The following SLC8A1 variants were observed in gnomAD, a reference collection of about 807,000 sequenced individuals.
SLC8A1 encodes the protein solute carrier family 8 member A1.
In SLC8A1, 18 loss-of-function variants were observed where a neutral mutation model predicts 68.3. The observed-to-expected ratio is 0.26, with a 90% CI of 0.18 to 0.39. The LOEUF (loss-of-function observed/expected upper bound fraction) is 0.39, where lower values mean the gene tolerates loss of function less well. Among genes scored for constraint, SLC8A1 ranks in the 10% least tolerant of loss-of-function variants. SLC8A1 has a pLI of 1.00. For missense variants in SLC8A1, 985 were observed against 1,156.7 expected (o/e 0.85, Z 2.15); for synonymous variants, 475 against 415.5 (o/e 1.14, Z -1.74).
intron 1 of SLC8A1, among the ~76,000 whole-genome samples, chr2:40,481,624 C>T (rs564219943): frequency 6.6e-6 from 1 of 152,170 alleles, no homozygotes. Flanking sequence ...TTATCATAAT[C>T]TCTACCACTA....
rs966264881 is a variant in SLC8A1, at chr2:40,213,826, T to A, written c.1809-35971A>T. Reference sequence around the variant, plus strand: ...GGCAGAAGCGCTGGGGATATTACACTGGGGATAATTCATCAAGCTTGCTTT... The same window carrying A: ...GGCAGAAGCGCTGGGGATATTACACAGGGGATAATTCATCAAGCTTGCTTT... On this transcript the variant is annotated intron_variant, in intron 2 of 7. Coordinates refer to ENST00000406785, the Ensembl canonical transcript of SLC8A1. Among the ~76,000 whole-genome samples the A allele has an allele frequency of 3.3e-5, 5 of 152,196 alleles. No individual in the cohort carries two copies. The East Asian group carries it at 9.6e-4, about 29-fold the overall frequency.
chr2:40,245,214 G>T (rs2061703405), intron 2 of SLC8A1, among the ~76,000 whole-genome samples: 1 of 114,094 alleles, frequency 8.8e-6, no homozygotes, highest in Non-Finnish European at 1.8e-5. Flanking sequence ...TTGGGATTCT[G>T]TGATTTGTGC....
intron 2 of SLC8A1, among the ~76,000 whole-genome samples, chr2:40,260,761 A>G (rs1183904253): frequency 1.3e-5 from 2 of 150,528 alleles, no homozygotes; most frequent in Admixed American, 6.6e-5. Flanking sequence ...TTTTTAATTT[A>G]GACTTCCTAC....
Position 40,402,375 on chromosome 2 carries a change from T to C in SLC8A1, c.1808+26098A>G, listed in dbSNP as rs1689011903. Among the ~76,000 whole-genome samples the C allele has an allele frequency of 2.0e-5, 3 of 152,216 alleles. No individual in the cohort carries two copies. The South Asian group carries it at 6.2e-4, about 32-fold the overall frequency. ...CTCAGGAATAATTCACCCCTTGGCATATGATTAAGAAGTAACTGTAAGTAT... is the reference window on the plus strand; with the variant it reads ...CTCAGGAATAATTCACCCCTTGGCACATGATTAAGAAGTAACTGTAAGTAT... On this transcript the variant is annotated intron_variant, in intron 2 of 7. Transcript: ENST00000406785.
chr2:40,332,376 T>G (rs2076501935), intron 2 of SLC8A1, among the ~76,000 whole-genome samples: 1 of 132,136 alleles, frequency 7.6e-6, no homozygotes, highest in Non-Finnish European at 1.6e-5. Context: ...ACTACATAAT[T>G]CAATTCAAAC....
intron 2 of SLC8A1, among the ~76,000 whole-genome samples, chr2:40,304,889 T>G (rs1489563444): frequency 6.6e-6 from 1 of 152,166 alleles, no homozygotes; most frequent in Non-Finnish European, 1.5e-5. Context: ...CAGGTGAACA[T>G]GGACTTCCGC....
At chr2:40,494,282 T>G (rs1705529012) in intron 1 of SLC8A1, among the ~76,000 whole-genome samples, 1 of 152,042 alleles carries the variant, frequency 6.6e-6, no homozygotes, top group African/African-American at 2.4e-5. Context: ...TCATTAAAAA[T>G]AAACTCTGGC....
intron 1 of SLC8A1, among the ~76,000 whole-genome samples, chr2:40,475,532 T>G (rs1306505819): frequency 6.6e-6 from 1 of 152,142 alleles, no homozygotes; most frequent in Admixed American, 6.5e-5. Flanking sequence ...TATTAAATAT[T>G]TAGTTTTTAA....
chr2:40,412,466 T>C (rs1692458238), intron 2 of SLC8A1, among the ~76,000 whole-genome samples: 1 of 152,178 alleles, frequency 6.6e-6, no homozygotes, highest in Non-Finnish European at 1.5e-5. Context: ...AGTTATAGCA[T>C]TCATTGCCAT....
At chr2:40,342,367 C>T (rs1307354931) in intron 2 of SLC8A1, among the ~76,000 whole-genome samples, 2 of 151,966 alleles carry the variant, frequency 1.3e-5, no homozygotes, top group Admixed American at 6.6e-5. Flanking sequence ...TTGATGTAGG[C>T]AAATCATATT....
At chr2:40,335,644 C>A (rs879562406) in intron 2 of SLC8A1, among the ~76,000 whole-genome samples, 14 of 152,192 alleles carry the variant, frequency 9.2e-5, no homozygotes, top group Non-Finnish European at 1.6e-4. Flanking sequence ...CCTAAAAGAA[C>A]AGAAATGGGT....
At chr2:40,381,394 A>G (rs1171312189) in intron 2 of SLC8A1, among the ~76,000 whole-genome samples, 1 of 152,050 alleles carries the variant, frequency 6.6e-6, no homozygotes, top group African/African-American at 2.4e-5. Context: ...AGTATCTTAG[A>G]GATTCCTGTG....
intron 7 of SLC8A1, among the ~76,000 whole-genome samples, chr2:40,135,221 T>C (rs1451810488): frequency 6.6e-6 from 1 of 152,200 alleles, no homozygotes; most frequent in African/African-American, 2.4e-5. Context: ...GAGTTTATCC[T>C]AAGTTAAATA....
At chr2:40,433,882 G>T (rs902068408) in intron 1 of SLC8A1, among the ~76,000 whole-genome samples, 1 of 152,166 alleles carries the variant, frequency 6.6e-6, no homozygotes, top group Admixed American at 6.6e-5. Context: ...GTTAGCAAAA[G>T]TCTTGTGGAA....
chr2:40,349,172 G>A (rs1241873801), intron 2 of SLC8A1, among the ~76,000 whole-genome samples: 2 of 152,118 alleles, frequency 1.3e-5, no homozygotes, highest in African/African-American at 4.8e-5. Context: ...GACACAATTT[G>A]AGCACATCAC....
intron 7 of SLC8A1, among the ~76,000 whole-genome samples, chr2:40,117,933 G>A (rs1395950916): frequency 6.6e-6 from 1 of 152,208 alleles, no homozygotes; most frequent in Non-Finnish European, 1.5e-5. Context: ...TACTGCATCT[G>A]CAGTATGACA....
chr2:40,356,996 A>G (rs542595842), intron 2 of SLC8A1, among the ~76,000 whole-genome samples: 1 of 152,308 alleles, frequency 6.6e-6, no homozygotes, highest in African/African-American at 2.4e-5. Flanking sequence ...GAGTATTCAG[A>G]GTATAATTCT....
chr2:40,366,954 T>C (rs1575742976), intron 2 of SLC8A1, among the ~76,000 whole-genome samples: 1 of 152,062 alleles, frequency 6.6e-6, no homozygotes, highest in South Asian at 2.1e-4. Flanking sequence ...TTAGGTTCGG[T>C]ATATTAAAAG....
At chr2:40,500,309 T>G (rs576864035) in intron 1 of SLC8A1, among the ~76,000 whole-genome samples, 3 of 152,254 alleles carry the variant, frequency 2.0e-5, no homozygotes, top group South Asian at 2.1e-4. Context: ...TCCACTCATA[T>G]TGTGTTTCAT....
Sources: allele counts gnomAD v4.1 joint callset (sites outside exome capture counted in the v4.1 genomes callset), GRCh38; gene constraint gnomAD v4.1.1; transcripts MANE v1.5; gene names NCBI Gene and HGNC (gene_info 2026-07-23, HGNC 2026-07-21).